MAGI2: variants seen among roughly 807,000 people sequenced by gnomAD.
MAGI2 encodes the protein membrane-associated guanylate kinase, WW and PDZ domain-containing protein 2.
In MAGI2, 35 loss-of-function variants were observed where a neutral mutation model predicts 133.3. That is an observed-to-expected ratio of 0.26 (90% CI 0.20 to 0.35). MAGI2 has a LOEUF of 0.35. Ranked by LOEUF, MAGI2 falls within the 10% of genes least tolerant of loss-of-function variation. The pLI, the probability that MAGI2 is intolerant of heterozygous loss-of-function variation, is 1.00. For missense variants in MAGI2, 1,636 were observed against 1,863.4 expected (o/e 0.88, Z 2.25); for synonymous variants, 729 against 710.6 (o/e 1.03, Z -0.41).
chr7:78,151,332 A>T (rs1823849739), intron 16 of MAGI2, among the ~76,000 whole-genome samples: 1 of 152,098 alleles, frequency 6.6e-6, no homozygotes, highest in South Asian at 2.1e-4. Flanking sequence ...AAATAATCTG[A>T]AGTAATACTT....
At chr7:78,622,883 G>C (rs1042171402) in intron 3 of MAGI2, among the ~76,000 whole-genome samples, 3 of 151,936 alleles carry the variant, frequency 2.0e-5, no homozygotes, top group African/African-American at 4.8e-5. Context: ...TTATATGGAA[G>C]TCAGCCTCAC....
At chr7:78,073,443 T>A (rs546715520) in intron 21 of MAGI2, among the ~76,000 whole-genome samples, 2 of 152,102 alleles carry the variant, frequency 1.3e-5, no homozygotes, top group South Asian at 4.2e-4. Flanking sequence ...AACTGGACTC[T>A]CTTCAGTGTT....
At chr7:79,353,420 C>T (rs141097306) in intron 1 of MAGI2, 102 of 455,064 alleles carry the variant, frequency 2.2e-4, no homozygotes, top group African/African-American at 2.0e-3. Flanking sequence ...CAACAACTCC[C>T]AGAGCTTCCA....
intron 1 of MAGI2, among the ~76,000 whole-genome samples, chr7:79,048,923 G>A (rs547320814): frequency 6.6e-6 from 1 of 152,302 alleles, no homozygotes; most frequent in Non-Finnish European, 1.5e-5. Flanking sequence ...GGGAGGCAGA[G>A]GTTGCAGTGA....
chr7:78,357,746 C>CT (rs909441804), intron 7 of MAGI2, among the ~76,000 whole-genome samples: 48 of 151,092 alleles, frequency 3.2e-4, no homozygotes, highest in African/African-American at 1.0e-3. Context: ...AACAAAGAGC[C>CT]TTTTTTTTTC....
In MAGI2 at chr7:78,501,580, A is replaced by G; in HGVS notation, c.962T>C (p.Ile321Thr). The G allele has an allele frequency of 1.2e-6, 2 of 1,613,786 alleles. No individual in the cohort carries two copies. The highest frequency in any genetic ancestry group is 1.7e-6 in the Non-Finnish European group (2 of 1,179,928). Residue 321 changes from isoleucine to threonine, a missense_variant, in exon 5 of 22, where the codon ATT (isoleucine) becomes ACT (threonine). Physicochemically the swap from Ile to Thr is moderately conservative, Grantham distance 89. Coordinates refer to ENST00000354212, the MANE Select transcript of MAGI2 (RefSeq NM_012301.4). ...GAAAGAAATGTGTGAAACTCACTCA[A>G]TGAAGTAGACTTCGCCCTTCTCTGT... ...AYTEKGEVYF[I>T]DHNTKTTSWL...
chr7:78,376,615 C>G (rs1794472266), intron 6 of MAGI2, among the ~76,000 whole-genome samples: 1 of 151,924 alleles, frequency 6.6e-6, no homozygotes, highest in Non-Finnish European at 1.5e-5. Context: ...ATATATCTTA[C>G]CAAATTTAAT....
At chr7:78,740,033 C>T (rs1200708358) in intron 2 of MAGI2, among the ~76,000 whole-genome samples, 16 of 152,086 alleles carry the variant, frequency 1.1e-4, no homozygotes, top group African/African-American at 3.9e-4. Context: ...TGGTGGCGGG[C>T]GCCTGTAGTC....
At chr7:78,542,075 G>T (rs1798455395) in intron 3 of MAGI2, among the ~76,000 whole-genome samples, 1 of 151,874 alleles carries the variant, frequency 6.6e-6, no homozygotes, top group Non-Finnish European at 1.5e-5. Context: ...AATAAGTGTG[G>T]GTGTACACCA....
chr7:78,346,738 G>C (rs1033660257), intron 7 of MAGI2, among the ~76,000 whole-genome samples: 6 of 152,198 alleles, frequency 3.9e-5, no homozygotes, highest in African/African-American at 1.4e-4. Context: ...ATAGCAGGCT[G>C]TTTGAAATGC....
chr7:78,496,059 A>T (rs1584394967), intron 5 of MAGI2, among the ~76,000 whole-genome samples: 2 of 152,202 alleles, frequency 1.3e-5, no homozygotes, highest in South Asian at 4.1e-4. Context: ...ATAAATTTCC[A>T]AAGTATTTTA....
In MAGI2 at chr7:78,135,015, A is replaced by T. The variant is rs1297179220; in HGVS notation, c.3031+6T>A. 1 of 1,612,868 alleles carries T rather than the reference A, an allele frequency of 6.2e-7. No individual in the cohort carries two copies. Among genetic ancestry groups the T allele is most frequent in the African/African-American group, 1.3e-5 (1 of 74,986 alleles). ...GCCTCTCTGCAAGGCTGCCTCAGGC[A>T]CTCACCCTCCTGAGGAATGATGCGA... is the stretch of plus-strand genomic sequence containing the variant. On this transcript the variant is annotated splice_donor_region_variant and intron_variant, in intron 17 of 21. Coordinates refer to ENST00000354212, the MANE Select transcript of MAGI2 (RefSeq NM_012301.4).
chr7:78,099,851 A>C (rs533714131), intron 20 of MAGI2, among the ~76,000 whole-genome samples: 2 of 152,312 alleles, frequency 1.3e-5, no homozygotes, highest in African/African-American at 2.4e-5. Context: ...TATTCATTTC[A>C]TTCCAGGACA....
Position 78,725,913 on chromosome 7 carries a change from C to T in MAGI2, c.419-98674G>A, listed in dbSNP as rs139305958. ...TTAGTTGTAAAATGTACTGGATAGT[C>T]GTTATACTCCAAACCCCCTTTACCT... is the stretch of plus-strand genomic sequence containing the variant. On this transcript the variant is annotated intron_variant, in intron 2 of 21. Transcript: ENST00000354212. Among the ~76,000 whole-genome samples the T allele has an allele frequency of 7.7e-4, 117 of 152,270 alleles. 1 individual carries two copies. The East Asian group carries it at 0.019, about 25-fold the overall frequency.
chr7:78,497,766 T>TCTGTCTGTCTGTCTATCTATCTATCTA (rs1385517709), intron 5 of MAGI2, among the ~76,000 whole-genome samples: 4,093 of 135,414 alleles, frequency 0.03, 123 homozygotes, highest in Non-Finnish European at 0.039. Flanking sequence ...CTATCTATCT[T>TCTGTCTGTCTGTCTATCTATCTATCTA]TCTATCTTAT....
At chr7:78,863,952 T>C (rs1794351583) in intron 2 of MAGI2, among the ~76,000 whole-genome samples, 1 of 152,204 alleles carries the variant, frequency 6.6e-6, no homozygotes, top group Non-Finnish European at 1.5e-5. Flanking sequence ...AATGTGTCAG[T>C]ATGCATATGG....
At chr7:78,247,508 C>T (rs545484299) in intron 10 of MAGI2, among the ~76,000 whole-genome samples, 1 of 151,926 alleles carries the variant, frequency 6.6e-6, no homozygotes, top group African/African-American at 2.4e-5. Flanking sequence ...TAAGCAAACT[C>T]AGTGAGATAC....
intron 6 of MAGI2, among the ~76,000 whole-genome samples, chr7:78,426,487 G>A (rs981921828): frequency 8.6e-5 from 13 of 151,986 alleles, no homozygotes; most frequent in African/African-American, 3.1e-4. Context: ...GGATAGCATT[G>A]GGAGATATAC....
At chr7:78,979,776 A>G (rs1038426322) in intron 2 of MAGI2, among the ~76,000 whole-genome samples, 4 of 151,898 alleles carry the variant, frequency 2.6e-5, no homozygotes, top group African/African-American at 9.7e-5. Context: ...AGGGTTGAAT[A>G]GGTGGTAATT....
Sources: allele counts gnomAD v4.1 joint callset (sites outside exome capture counted in the v4.1 genomes callset), GRCh38; gene constraint gnomAD v4.1.1; transcripts MANE v1.5; gene names NCBI Gene and HGNC (gene_info 2026-07-23, HGNC 2026-07-21).